THSD7A: variants seen among roughly 807,000 people sequenced by gnomAD.
THSD7A encodes thrombospondin type 1 domain containing 7A.
Under a neutral mutation model 231.3 loss-of-function variants are expected in THSD7A, and 96 were observed. That is an observed-to-expected ratio of 0.41 (90% CI 0.35 to 0.49). The LOEUF (loss-of-function observed/expected upper bound fraction) is 0.49, where lower values mean the gene tolerates loss of function less well. Ranked by LOEUF, THSD7A falls within the 20% of genes least tolerant of loss-of-function variation. The pLI is 0.05. For synonymous variants in THSD7A, 940 were observed against 743.3 expected, an observed-to-expected ratio of 1.26 and a Z score of -4.30; for missense variants, 2,290 against 2,070.2, an observed-to-expected ratio of 1.11 and a Z score of -2.06.
intron 13 of THSD7A, among the ~76,000 whole-genome samples, chr7:11,435,940 T>A (rs1784620362): frequency 6.6e-6 from 1 of 152,062 alleles, no homozygotes; most frequent in African/African-American, 2.4e-5. Flanking sequence ...CTCCAGGTAG[T>A]TAGTGTCAGA....
chr7:11,633,111 C>T (rs986417231), intron 2 of THSD7A, among the ~76,000 whole-genome samples: 1 of 151,980 alleles, frequency 6.6e-6, no homozygotes, highest in African/African-American at 2.4e-5. Context: ...CTTTTTTGAG[C>T]TCTAACAGAT....
rs1342398445 is a variant in THSD7A at position 11,636,317 on chromosome 7, T to G, written c.835A>C (p.Lys279Gln). The G allele has an allele frequency of 6.2e-7, 1 of 1,613,846 alleles. No individual in the cohort carries two copies. The highest frequency in any genetic ancestry group is 8.5e-7 in the Non-Finnish European group (1 of 1,179,902). ...RQVRQARRRGKNKEREKDRSK... is the reference protein window; with the variant it reads ...RQVRQARRRGQNKEREKDRSK... Reference sequence around the variant, plus strand: ...CGGTCCTTTTCCCGTTCTTTATTCTTCCCGCGTCTCCTTGCTTGTCTTACT... The same window carrying G: ...CGGTCCTTTTCCCGTTCTTTATTCTGCCCGCGTCTCCTTGCTTGTCTTACT... The change falls in exon 2 of 28, where the codon AAG becomes CAG. Residue 279 changes from lysine to glutamine, a missense_variant. Coordinates refer to ENST00000423059, the MANE Select transcript of THSD7A (RefSeq NM_015204.3). The surrounding 1 kb of genome is among the most constrained non-coding windows in gnomAD (Gnocchi z 10.0).
At chr7:11,719,837 C>T (rs12699254) in intron 1 of THSD7A, among the ~76,000 whole-genome samples, 36,185 of 151,572 alleles carry the variant, frequency 0.24, 4,441 homozygotes, top group East Asian at 0.31. Context: ...ACTAAAATAG[C>T]CCTGAACCCT....
intron 11 of THSD7A, among the ~76,000 whole-genome samples, chr7:11,451,816 CTCA>C (rs959731276): frequency 2.6e-5 from 4 of 152,008 alleles, no homozygotes; most frequent in African/African-American, 9.7e-5. Flanking sequence ...AGTGTAATTG[CTCA>C]TCTTCATTTT....
chr7:11,517,206 G>A (rs1001351369), intron 6 of THSD7A, among the ~76,000 whole-genome samples: 3 of 152,086 alleles, frequency 2.0e-5, no homozygotes, highest in Non-Finnish European at 4.4e-5. Context: ...AGCCTCCAGA[G>A]TAGTTGGGAT....
rs370444207 is a variant in THSD7A, at chr7:11,635,186, T to A, written c.1022+944A>T. On this transcript the variant is annotated intron_variant, in intron 2 of 27. Coordinates refer to ENST00000423059, the MANE Select transcript of THSD7A (RefSeq NM_015204.3). ...GTTTTTTAATCAAGAGAATAGACTG[T>A]GTGATAGAGTTGATGACACTTTCAA... 1.2e-4 allele frequency among the ~76,000 whole-genome samples: 19 copies of A among 152,288 alleles called. No individual in the cohort carries two copies. In the East Asian group the frequency reaches 3.3e-3, roughly 26 times the overall value.
chr7:11,486,983 G>T (rs899513940), intron 6 of THSD7A, among the ~76,000 whole-genome samples: 1 of 151,996 alleles, frequency 6.6e-6, no homozygotes, highest in African/African-American at 2.4e-5. Flanking sequence ...AAATGCTTTG[G>T]TTTATTTTTG....
intron 1 of THSD7A, among the ~76,000 whole-genome samples, chr7:11,659,811 A>T (rs1029408281): frequency 2.0e-5 from 3 of 151,546 alleles, no homozygotes; most frequent in Non-Finnish European, 3.0e-5. Flanking sequence ...TCCAATGAGC[A>T]CACTACCTTA....
intron 1 of THSD7A, among the ~76,000 whole-genome samples, chr7:11,703,091 T>C (rs1192990113): frequency 1.3e-5 from 2 of 151,264 alleles, no homozygotes; most frequent in African/African-American, 2.4e-5. Context: ...CTAGTCATTT[T>C]CTCTAGGCAA....
At chr7:11,760,431 A>C (rs1217177384) in intron 1 of THSD7A, among the ~76,000 whole-genome samples, 1 of 151,906 alleles carries the variant, frequency 6.6e-6, no homozygotes, top group East Asian at 1.9e-4. Flanking sequence ...ATGGCAAGTA[A>C]GAATGGCTGT....
chr7:11,673,810 T>C lies in THSD7A; in HGVS notation c.191-36849A>G, dbSNP rs1783516289. On this transcript the variant is annotated intron_variant, in intron 1 of 27. Coordinates refer to ENST00000423059, the MANE Select transcript of THSD7A (RefSeq NM_015204.3). ...TAGCTCAGCAATCTGAGTGCAGGCTTGGGAAAAGCCTAGCCAGTCAGGCCT... is the reference window on the plus strand; with the variant it reads ...TAGCTCAGCAATCTGAGTGCAGGCTCGGGAAAAGCCTAGCCAGTCAGGCCT... Among the ~76,000 whole-genome samples the C allele has an allele frequency of 2.0e-5, 3 of 152,034 alleles. No homozygotes were observed. In the South Asian group the frequency reaches 6.2e-4, roughly 32 times the overall value.
intron 6 of THSD7A, among the ~76,000 whole-genome samples, chr7:11,501,014 T>TAA (rs146452497): frequency 2.5e-4 from 36 of 141,846 alleles, no homozygotes; most frequent in African/African-American, 8.2e-4. Context: ...CCAACAAAGA[T>TAA]AAAAAAAAAA....
chr7:11,521,476 TTTTA>T (rs779165884), intron 6 of THSD7A, among the ~76,000 whole-genome samples: 2,830 of 114,726 alleles, frequency 0.025, 439 homozygotes, highest in African/African-American at 0.075. Flanking sequence ...TATTTTTTTA[TTTTA>T]TTTATTTATT....
At chr7:11,506,446 C>T (rs1466781553) in intron 6 of THSD7A, among the ~76,000 whole-genome samples, 1 of 152,190 alleles carries the variant, frequency 6.6e-6, no homozygotes, top group Non-Finnish European at 1.5e-5. Flanking sequence ...GATGTGGTCA[C>T]TTTCCAGATT....
chr7:11,477,084 G>T (rs67060383), intron 7 of THSD7A, among the ~76,000 whole-genome samples: 38,842 of 151,906 alleles, frequency 0.26, 5,197 homozygotes, highest in Middle Eastern at 0.33. Flanking sequence ...GATAAGTTAT[G>T]ACCATTGAAT....
At chr7:11,694,533 A>G (rs1342635399) in intron 1 of THSD7A, among the ~76,000 whole-genome samples, 2 of 151,566 alleles carry the variant, frequency 1.3e-5, no homozygotes, top group East Asian at 3.9e-4. Flanking sequence ...AAGTGATGCT[A>G]CCTTGCAGAG....
At chr7:11,608,757 T>A (rs1171793483) in intron 2 of THSD7A, among the ~76,000 whole-genome samples, 3 of 152,128 alleles carry the variant, frequency 2.0e-5, no homozygotes, top group African/African-American at 7.2e-5. Flanking sequence ...TAGATGAACA[T>A]CCACAACCAT....
At chr7:11,596,890 T>C (rs2526109) in intron 2 of THSD7A, among the ~76,000 whole-genome samples, 32,522 of 152,260 alleles carry the variant, frequency 0.21, 4,380 homozygotes, top group Non-Finnish European at 0.32. Context: ...TCCATTCCTG[T>C]CCATAAGGCC....
chr7:11,404,048 CA>C (rs1193280282), intron 22 of THSD7A, among the ~76,000 whole-genome samples: 1 of 152,006 alleles, frequency 6.6e-6, no homozygotes, highest in African/African-American at 2.4e-5. Context: ...CCTAGATTTG[CA>C]ATTACTTTAA....
Sources: allele counts gnomAD v4.1 joint callset (sites outside exome capture counted in the v4.1 genomes callset), GRCh38; gene constraint gnomAD v4.1.1; non-coding constraint Gnocchi (gnomAD v3.1); transcripts MANE v1.5; gene names NCBI Gene and HGNC (gene_info 2026-07-23, HGNC 2026-07-21).